ARL15: variants seen among roughly 807,000 people sequenced by gnomAD.
ARL15 encodes ARF like GTPase 15.
ARL15 carries 19 observed loss-of-function variants against 25.2 expected under a neutral mutation model. That is an observed-to-expected ratio of 0.75 (90% CI 0.53 to 1.10). The LOEUF (loss-of-function observed/expected upper bound fraction) is 1.10. Among genes scored for constraint, ARL15 ranks in the 50% least tolerant of loss-of-function variants. The pLI is 0.00. For synonymous variants in ARL15, 94 were observed against 86.8 expected, an observed-to-expected ratio of 1.08 and a Z score of -0.46; for missense variants, 220 against 246.0, an observed-to-expected ratio of 0.89 and a Z score of 0.71.
At chr5:53,903,701 A>G (rs1745142245) in intron 4 of ARL15, among the ~76,000 whole-genome samples, 2 of 152,238 alleles carry the variant, frequency 1.3e-5, no homozygotes, top group Admixed American at 6.5e-5. Context: ...AGCTCCGTCC[A>G]GGAGCATCAC....
intron 2 of ARL15, among the ~76,000 whole-genome samples, chr5:54,159,212 T>C (rs970926516): frequency 2.0e-5 from 3 of 152,282 alleles, no homozygotes; most frequent in African/African-American, 7.2e-5. Context: ...ATAAAAATAA[T>C]AGCATGAGTT....
intron 4 of ARL15, among the ~76,000 whole-genome samples, chr5:54,044,610 G>A (rs1750451220): frequency 2.0e-5 from 3 of 152,060 alleles, no homozygotes; most frequent in Admixed American, 1.3e-4. Context: ...ACTTTTAGGG[G>A]AAAAAACATT....
intron 2 of ARL15, among the ~76,000 whole-genome samples, chr5:54,155,276 A>G (rs1338111502): frequency 6.6e-6 from 1 of 152,246 alleles, no homozygotes; most frequent in African/African-American, 2.4e-5. Flanking sequence ...TTGAAAGTAT[A>G]GAGAAATTTC....
chr5:54,046,557 G>A (rs1750522038), intron 4 of ARL15, among the ~76,000 whole-genome samples: 1 of 152,058 alleles, frequency 6.6e-6, no homozygotes, highest in Non-Finnish European at 1.5e-5. Context: ...AAAAAATCAT[G>A]CAAAATACAA....
rs565752584 is a variant in ARL15, at chr5:54,161,026, GT to G, written c.194-6388del. Among the ~76,000 whole-genome samples, 1,024 of 152,068 alleles carry G rather than the reference GT, an allele frequency of 6.7e-3. 6 individuals carry two copies. Among genetic ancestry groups the G allele is most frequent in the Middle Eastern group, 0.027 (8 of 294 alleles). Reference sequence around the variant, plus strand: ...CTGTTATTCTTATAGTTTTTCTCTAGTTTTTTAATTCAAATGCATAGTTTTC... The same window carrying G: ...CTGTTATTCTTATAGTTTTTCTCTAGTTTTTAATTCAAATGCATAGTTTTC... On this transcript the variant is annotated intron_variant, in intron 2 of 4. Transcript: ENST00000504924.
At chr5:53,913,364 T>G (rs1385497764) in intron 4 of ARL15, among the ~76,000 whole-genome samples, 1 of 152,174 alleles carries the variant, frequency 6.6e-6, no homozygotes. Flanking sequence ...TCCCCTTAAC[T>G]GAGTTTAGTC....
chr5:54,031,768 G>A (rs535649621), intron 4 of ARL15, among the ~76,000 whole-genome samples: 1 of 151,834 alleles, frequency 6.6e-6, no homozygotes, highest in Non-Finnish European at 1.5e-5. Flanking sequence ...TTCGCAAAAT[G>A]CAAGAACTAA....
At chr5:54,033,657 G>A (rs1750068868) in intron 4 of ARL15, among the ~76,000 whole-genome samples, 1 of 149,102 alleles carries the variant, frequency 6.7e-6, no homozygotes, top group Admixed American at 6.7e-5. Flanking sequence ...GGGCAACAGA[G>A]CGAGAATTCC....
chr5:54,069,440 G>C (rs1259419495), intron 4 of ARL15, among the ~76,000 whole-genome samples: 4 of 151,510 alleles, frequency 2.6e-5, no homozygotes, highest in Non-Finnish European at 5.9e-5. Flanking sequence ...GAGTGATGGC[G>C]AGTGTCTGTA....
intron 4 of ARL15, among the ~76,000 whole-genome samples, chr5:53,892,295 T>C (rs1744740612): frequency 2.0e-5 from 3 of 152,220 alleles, no homozygotes. Flanking sequence ...GGTTGACAAC[T>C]TTAGCTCCTT....
chr5:54,296,206 G>A (rs1267689251), intron 1 of ARL15, among the ~76,000 whole-genome samples: 1 of 152,192 alleles, frequency 6.6e-6, no homozygotes, highest in Non-Finnish European at 1.5e-5. Flanking sequence ...ATTTTTGGAA[G>A]GCTGGTAGGG....
chr5:54,279,109 A>G (rs561845611), intron 1 of ARL15, among the ~76,000 whole-genome samples: 65 of 152,172 alleles, frequency 4.3e-4, no homozygotes, highest in Non-Finnish European at 1.0e-4. Flanking sequence ...ACTATTTCTC[A>G]TCCCAAAAGC....
intron 4 of ARL15, among the ~76,000 whole-genome samples, chr5:54,030,046 GTGTC>G (rs1324235176): frequency 6.6e-6 from 1 of 152,070 alleles, no homozygotes; most frequent in Non-Finnish European, 1.5e-5. Flanking sequence ...ATGGTAGTGT[GTGTC>G]TGTAGTCTCA....
intron 1 of ARL15, among the ~76,000 whole-genome samples, chr5:54,261,673 G>A (rs1757500273): frequency 1.3e-5 from 2 of 152,086 alleles, no homozygotes; most frequent in Non-Finnish European, 2.9e-5. Flanking sequence ...TATTCATACA[G>A]CAGAAAATTG....
rs556332131 is a variant in ARL15 at position 54,115,565 on chromosome 5, C to A, written c.254-2155G>T. ...AAAAGAAAAGCTCATACAATTCTTACAACAATCTAAGGAGGGAAGTATAAT... is the reference window on the plus strand; with the variant it reads ...AAAAGAAAAGCTCATACAATTCTTAAAACAATCTAAGGAGGGAAGTATAAT... On this transcript the variant is annotated intron_variant, in intron 3 of 4. Transcript: ENST00000504924. Among the ~76,000 whole-genome samples, 23 of 152,214 alleles carry A rather than the reference C, an allele frequency of 1.5e-4. No individual in the cohort carries two copies. The South Asian group carries it at 4.8e-3, about 32-fold the overall frequency.
At chr5:54,259,301 G>T (rs1221729405) in intron 1 of ARL15, among the ~76,000 whole-genome samples, 2 of 152,110 alleles carry the variant, frequency 1.3e-5, no homozygotes, top group African/African-American at 4.8e-5. Flanking sequence ...TAACCTTGGG[G>T]TTGGCTGCTG....
intron 4 of ARL15, among the ~76,000 whole-genome samples, chr5:54,081,091 G>C (rs942934241): frequency 6.6e-6 from 1 of 152,088 alleles, no homozygotes; most frequent in Admixed American, 6.6e-5. Flanking sequence ...TCCAAATATA[G>C]TCATGTTGGG....
intron 4 of ARL15, among the ~76,000 whole-genome samples, chr5:54,048,463 C>T (rs905750164): frequency 4.9e-4 from 73 of 148,058 alleles, no homozygotes; most frequent in South Asian, 2.1e-4. Context: ...AATGCAATGG[C>T]ACGATCTCAG....
chr5:54,061,546 G>A (rs573743362), intron 4 of ARL15, among the ~76,000 whole-genome samples: 7 of 152,190 alleles, frequency 4.6e-5, no homozygotes, highest in African/African-American at 1.7e-4. Context: ...GGAGGTGGAG[G>A]TTGCAGTGAA....
Sources: gnomAD v4.1 joint callset for allele counts (sites outside exome capture counted in the v4.1 genomes callset) on GRCh38, gnomAD v4.1.1 for gene constraint, MANE v1.5 for transcripts, NCBI Gene and HGNC (gene_info 2026-07-23, HGNC 2026-07-21) for gene names.